The following PTPRD variants were observed in gnomAD, a reference collection of about 807,000 sequenced individuals.
PTPRD encodes the protein receptor-type tyrosine-protein phosphatase delta.
A neutral mutation model predicts 214.5 loss-of-function variants in PTPRD; 34 were observed. The ratio of observed to expected loss-of-function variants is 0.16; its 90% CI spans 0.12 to 0.21. The LOEUF (loss-of-function observed/expected upper bound fraction) is 0.21. Ranked by LOEUF, PTPRD falls within the 10% of genes least tolerant of loss-of-function variation. The probability of loss-of-function intolerance (pLI) is 1.00; values close to 1 mark genes in which losing one functional copy is unlikely to be tolerated. For missense variants in PTPRD, 2,545 were observed against 2,398.7 expected (o/e 1.06, Z -1.27); for synonymous variants, 1,128 against 845.7 (o/e 1.33, Z -5.79).
intron 2 of PTPRD, among the ~76,000 whole-genome samples, chr9:10,576,130 T>G (rs2069232640): frequency 6.6e-6 from 1 of 152,160 alleles, no homozygotes; most frequent in Non-Finnish European, 1.5e-5. Flanking sequence ...ATGAATCACT[T>G]GGGAAGCTAA....
At chr9:10,287,599 G>A (rs1292989155) in intron 3 of PTPRD, among the ~76,000 whole-genome samples, 3 of 152,038 alleles carry the variant, frequency 2.0e-5, no homozygotes, top group Non-Finnish European at 4.4e-5. Context: ...CATGAGAAAT[G>A]CAATAACACA....
At chr9:10,340,941 C>G (rs1252751443) in intron 3 of PTPRD, 22 bp downstream of exon 3, 1 of 151,918 alleles carries the variant, frequency 6.6e-6, no homozygotes, top group Non-Finnish European at 1.5e-5. Context: ...TTATCTATTT[C>G]TAGTTCACAG....
intron 11 of PTPRD, among the ~76,000 whole-genome samples, chr9:8,832,633 A>C (rs2097321322): frequency 6.6e-6 from 1 of 152,124 alleles, no homozygotes; most frequent in South Asian, 2.1e-4. Flanking sequence ...TTTTGTTAAC[A>C]AAGTGATTTT....
chr9:10,126,333 C>A (rs1027166004), intron 3 of PTPRD, among the ~76,000 whole-genome samples: 1 of 151,634 alleles, frequency 6.6e-6, no homozygotes, highest in Non-Finnish European at 1.5e-5. Flanking sequence ...TATCATCATA[C>A]TTGTTTTAAT....
chr9:8,525,021 C>G lies in PTPRD; in HGVS notation c.583G>C (p.Glu195Gln), dbSNP rs528492752. The G allele has an allele frequency of 6.2e-7, 1 of 1,613,358 alleles. No individual in the cohort carries two copies. Among genetic ancestry groups the G allele is most frequent in the Admixed American group, 1.7e-5 (1 of 59,984 alleles). ...CCTTGGTCAGACTCTTCACTCTGCT[C>G]AATCTGAAGGGCTCCTGTATGGATA... is the stretch of plus-strand genomic sequence containing the variant. ...GTPIRGALQI[E>Q]QSEESDQGKY... The change falls in exon 18 of 46, where the codon GAG becomes CAG. Residue 195 changes from glutamate to glutamine, a missense_variant. Glu to Gln is a conservative substitution (Grantham distance 29). Coordinates refer to ENST00000381196, the MANE Select transcript of PTPRD (RefSeq NM_002839.4).
chr9:9,044,194 T>A (rs2099660816), intron 10 of PTPRD, among the ~76,000 whole-genome samples: 2 of 152,342 alleles, frequency 1.3e-5, no homozygotes, highest in Admixed American at 1.3e-4. Flanking sequence ...AATTTAGACT[T>A]GCATTGCTAA....
At chr9:10,022,854 C>T (rs1181259938) in intron 4 of PTPRD, among the ~76,000 whole-genome samples, 1 of 152,094 alleles carries the variant, frequency 6.6e-6, no homozygotes, top group Non-Finnish European at 1.5e-5. Flanking sequence ...CATTATAGAG[C>T]AGATAGCCCA....
At chr9:9,235,411 T>C (rs893143762) in intron 9 of PTPRD, among the ~76,000 whole-genome samples, 12 of 152,178 alleles carry the variant, frequency 7.9e-5, no homozygotes, top group African/African-American at 2.7e-4. Flanking sequence ...CTTTGTCCAA[T>C]TGCACTCCTA....
At chr9:8,446,836 T>G (rs1012044657) in intron 34 of PTPRD, among the ~76,000 whole-genome samples, 1 of 152,136 alleles carries the variant, frequency 6.6e-6, no homozygotes, top group Non-Finnish European at 1.5e-5. Flanking sequence ...TGATTCTTCG[T>G]GAAAAAGAGG....
chr9:8,681,835 T>C (rs1459982204), intron 12 of PTPRD, among the ~76,000 whole-genome samples: 4 of 152,206 alleles, frequency 2.6e-5, no homozygotes, highest in African/African-American at 9.7e-5. Flanking sequence ...AAGAATTCAG[T>C]GATTGCCCTT....
chr9:8,336,596 G>A (rs1406738871), intron 43 of PTPRD, among the ~76,000 whole-genome samples: 2 of 144,464 alleles, frequency 1.4e-5, no homozygotes, highest in Non-Finnish European at 3.0e-5. Flanking sequence ...GTGACAAATG[G>A]GATCTAATTA....
chr9:9,637,940 C>T (rs1167683784), intron 7 of PTPRD, among the ~76,000 whole-genome samples: 1 of 152,168 alleles, frequency 6.6e-6, no homozygotes, highest in Non-Finnish European at 1.5e-5. Flanking sequence ...GACTTAGCAT[C>T]ATGTGAACAT....
chr9:8,809,731 C>T (rs2096762347), intron 11 of PTPRD, among the ~76,000 whole-genome samples: 1 of 152,168 alleles, frequency 6.6e-6, no homozygotes. Context: ...GCAGATACAA[C>T]ACTGCTGTCG....
intron 8 of PTPRD, among the ~76,000 whole-genome samples, chr9:9,455,284 A>T (rs2092825892): frequency 6.6e-6 from 1 of 151,582 alleles, no homozygotes; most frequent in African/African-American, 2.4e-5. Context: ...CTCATTTTTT[A>T]AAATATTAAT....
intron 9 of PTPRD, among the ~76,000 whole-genome samples, chr9:9,392,469 A>G (rs907166262): frequency 2.0e-5 from 3 of 152,194 alleles, no homozygotes; most frequent in African/African-American, 7.2e-5. Context: ...TCATATCAGT[A>G]GATACAAAAT....
At chr9:9,144,511 T>C (rs1592359351) in intron 10 of PTPRD, among the ~76,000 whole-genome samples, 1 of 152,112 alleles carries the variant, frequency 6.6e-6, no homozygotes, top group Admixed American at 6.5e-5. Flanking sequence ...CCTAGTGCTT[T>C]GGGAGGCTGA....
chr9:9,621,629 C>T (rs920048482), intron 7 of PTPRD, among the ~76,000 whole-genome samples: 1 of 152,118 alleles, frequency 6.6e-6, no homozygotes, highest in African/African-American at 2.4e-5. Context: ...TAGGCATTAC[C>T]CTTCCTTAAG....
intron 7 of PTPRD, among the ~76,000 whole-genome samples, chr9:9,647,888 T>C (rs1317264759): frequency 6.6e-6 from 1 of 152,206 alleles, no homozygotes; most frequent in Non-Finnish European, 1.5e-5. Flanking sequence ...AAAATGTTGC[T>C]CTGAGAAACA....
At chr9:10,126,263 G>T (rs147168092) in intron 3 of PTPRD, among the ~76,000 whole-genome samples, 1 of 151,876 alleles carries the variant, frequency 6.6e-6, no homozygotes, top group Non-Finnish European at 1.5e-5. Context: ...AGTTTTATAC[G>T]ACATGGCATT....
Sources: gnomAD v4.1 joint callset for allele counts (sites outside exome capture counted in the v4.1 genomes callset) on GRCh38, gnomAD v4.1.1 for gene constraint, MANE v1.5 for transcripts, NCBI Gene and HGNC (gene_info 2026-07-23, HGNC 2026-07-21) for gene names.